The following ARHGAP15 variants were observed in gnomAD, a reference collection of about 807,000 sequenced individuals.
ARHGAP15 encodes Rho GTPase activating protein 15, also known as rho GTPase-activating protein 15.
Under a neutral mutation model 63.7 loss-of-function variants are expected in ARHGAP15, and 51 were observed. The observed-to-expected ratio is 0.80, with a 90% CI of 0.64 to 1.01. ARHGAP15 has a LOEUF of 1.01. ARHGAP15 is among the 50% of genes least tolerant of loss of function. The pLI, the probability that ARHGAP15 is intolerant of heterozygous loss-of-function variation, is 0.00. For synonymous variants in ARHGAP15, 191 were observed against 193.8 expected (o/e 0.99, Z 0.12); for missense variants, 560 against 564.6 (o/e 0.99, Z 0.08).
chr2:143,485,654 T>A (rs570165394), intron 8 of ARHGAP15, among the ~76,000 whole-genome samples: 1 of 151,044 alleles, frequency 6.6e-6, no homozygotes, highest in Non-Finnish European at 1.5e-5. Flanking sequence ...TCTGGAGGCA[T>A]TTTTTTTTAT....
chr2:143,538,634 T>A (rs1012820318), intron 10 of ARHGAP15, among the ~76,000 whole-genome samples: 10 of 152,228 alleles, frequency 6.6e-5, no homozygotes, highest in Non-Finnish European at 8.8e-5. Flanking sequence ...TCTATTGAGA[T>A]AATCATGTGG....
chr2:143,222,213 G>A (rs551099996), intron 4 of ARHGAP15, among the ~76,000 whole-genome samples: 1 of 152,176 alleles, frequency 6.6e-6, no homozygotes, highest in African/African-American at 2.4e-5. Context: ...GAGTCTGTAC[G>A]TTTAACAGTG....
At chr2:143,474,925 T>C (rs1354035380) in intron 8 of ARHGAP15, among the ~76,000 whole-genome samples, 1 of 152,114 alleles carries the variant, frequency 6.6e-6, no homozygotes, top group Non-Finnish European at 1.5e-5. Flanking sequence ...AGTAAGTAAA[T>C]CTCCCATCAC....
At chr2:143,576,571 C>T (rs1246011758) in intron 11 of ARHGAP15, among the ~76,000 whole-genome samples, 3 of 152,068 alleles carry the variant, frequency 2.0e-5, no homozygotes, top group African/African-American at 4.8e-5. Flanking sequence ...GAGTCTTACA[C>T]TCTATCGACG....
intron 6 of ARHGAP15, among the ~76,000 whole-genome samples, chr2:143,285,690 T>C (rs1469871918): frequency 6.6e-6 from 1 of 152,176 alleles, no homozygotes; most frequent in East Asian, 1.9e-4. Flanking sequence ...TAATATAGTA[T>C]CAGTTTATTG....
intron 13 of ARHGAP15, among the ~76,000 whole-genome samples, chr2:143,755,739 G>A (rs531766676): frequency 6.6e-6 from 1 of 152,246 alleles, no homozygotes; most frequent in South Asian, 2.1e-4. Flanking sequence ...ACTTTGGAGG[G>A]CCAGGCAGAT....
At chr2:143,726,949 TATAG>T (rs1553532905) in intron 13 of ARHGAP15, among the ~76,000 whole-genome samples, 1 of 152,204 alleles carries the variant, frequency 6.6e-6, no homozygotes, top group Non-Finnish European at 1.5e-5. Context: ...CTGGTCACTA[TATAG>T]ATATATAAAT....
chr2:143,624,250 A>G lies in ARHGAP15; in HGVS notation c.1121A>G (p.Gln374Arg), dbSNP rs1239902857. The change falls in exon 12 of 14, where the codon CAG (glutamine) becomes CGG (arginine). Residue 374 changes from glutamine to arginine, a missense_variant. Physicochemically the swap from Gln to Arg is conservative, Grantham distance 43. Coordinates refer to ENST00000295095, the MANE Select transcript of ARHGAP15 (RefSeq NM_018460.4). The part of the protein sequence containing the change: ...EPLFPYSFFE[Q>R]FVEAIKKQDN... ...CTCTTCCCTTACAGTTTCTTTGAGC[A>G]GTTTGTGGAAGCGATCAGTAAGTAC... 6.2e-7 allele frequency: 1 copy of G among 1,613,318 alleles called. No homozygotes were observed. Among genetic ancestry groups the G allele is most frequent in the Non-Finnish European group, 8.5e-7 (1 of 1,179,560 alleles).
chr2:143,191,181 G>A (rs968932202), intron 2 of ARHGAP15, among the ~76,000 whole-genome samples: 4 of 152,314 alleles, frequency 2.6e-5, no homozygotes, highest in African/African-American at 9.6e-5. Context: ...TACGCAGGTC[G>A]AGGAACTAGT....
intron 6 of ARHGAP15, among the ~76,000 whole-genome samples, chr2:143,320,326 A>G (rs1683947989): frequency 6.7e-6 from 1 of 149,568 alleles, no homozygotes; most frequent in Admixed American, 6.8e-5. Flanking sequence ...ACATTCCATG[A>G]CATAATGTCA....
At chr2:143,374,857 G>T (rs754798148) in intron 6 of ARHGAP15, among the ~76,000 whole-genome samples, 2 of 152,098 alleles carry the variant, frequency 1.3e-5, no homozygotes, top group Non-Finnish European at 1.5e-5. Context: ...ACTCCTCCAG[G>T]ACAGGTATGT....
chr2:143,158,893 T>C (rs566826331), intron 2 of ARHGAP15, among the ~76,000 whole-genome samples: 1 of 152,102 alleles, frequency 6.6e-6, no homozygotes, highest in South Asian at 2.1e-4. Flanking sequence ...GCAAAAGGTT[T>C]AATGTGGCTT....
chr2:143,328,657 A>G (rs1045344976), intron 6 of ARHGAP15, among the ~76,000 whole-genome samples: 2 of 152,190 alleles, frequency 1.3e-5, no homozygotes, highest in Non-Finnish European at 2.9e-5. Flanking sequence ...TGGGTGCAGC[A>G]AACCACCATG....
At chr2:143,504,123 C>A (rs57628766) in intron 9 of ARHGAP15, among the ~76,000 whole-genome samples, 14,304 of 152,148 alleles carry the variant, frequency 0.094, 833 homozygotes, top group African/African-American at 0.16. Flanking sequence ...GTAGGAAAGT[C>A]TGGAGAACAG....
chr2:143,390,293 A>G (rs1410441648), intron 6 of ARHGAP15, among the ~76,000 whole-genome samples: 3 of 152,108 alleles, frequency 2.0e-5, no homozygotes, highest in African/African-American at 7.2e-5. Context: ...TTCCTTTTAG[A>G]CGTTATTTTA....
chr2:143,210,893 C>A (rs897821924), intron 3 of ARHGAP15, among the ~76,000 whole-genome samples: 5 of 151,306 alleles, frequency 3.3e-5, no homozygotes, highest in Non-Finnish European at 7.4e-5. Flanking sequence ...TTTACCACTT[C>A]TTAAAAATGT....
At chr2:143,411,487 T>G (rs1438155618) in intron 6 of ARHGAP15, among the ~76,000 whole-genome samples, 1 of 152,244 alleles carries the variant, frequency 6.6e-6, no homozygotes, top group Non-Finnish European at 1.5e-5. Flanking sequence ...TTCTCTATTA[T>G]AGTTACCATA....
At chr2:143,346,868 CAT>C (rs1408156002) in intron 6 of ARHGAP15, among the ~76,000 whole-genome samples, 2 of 151,998 alleles carry the variant, frequency 1.3e-5, no homozygotes, top group East Asian at 3.9e-4. Context: ...CCAACTGACA[CAT>C]ATAAAAATGA....
intron 12 of ARHGAP15, among the ~76,000 whole-genome samples, chr2:143,680,021 T>TAAAAAAAAA (rs55927433): frequency 2.8e-4 from 28 of 101,628 alleles, no homozygotes; most frequent in African/African-American, 1.3e-3. Context: ...AGTAAATGAT[T>TAAAAAAAAA]AAAAAAAAAA....
Sources: gnomAD v4.1 joint callset for allele counts (sites outside exome capture counted in the v4.1 genomes callset) on GRCh38, gnomAD v4.1.1 for gene constraint, MANE v1.5 for transcripts, NCBI Gene and HGNC (gene_info 2026-07-23, HGNC 2026-07-21) for gene names.